The following DAB1 variants were observed in gnomAD, a reference collection of about 807,000 sequenced individuals.
DAB1 encodes the protein DAB adaptor protein 1.
DAB1 carries 15 observed loss-of-function variants against 64.6 expected under a neutral mutation model. That is an observed-to-expected ratio of 0.23 (90% CI 0.16 to 0.36). The LOEUF is 0.36. Ranked by LOEUF, DAB1 falls within the 10% of genes least tolerant of loss-of-function variation. DAB1 has a pLI of 1.00. For missense variants in DAB1, 596 were observed against 706.7 expected, an observed-to-expected ratio of 0.84 and a Z score of 1.78; for synonymous variants, 235 against 251.9, an observed-to-expected ratio of 0.93 and a Z score of 0.64.
intron 1 of DAB1, chr1:58,534,482 T>C (rs899386760): frequency 1.9e-6 from 1 of 521,030 alleles, no homozygotes; most frequent in African/African-American, 2.0e-5. Context: ...ATTTCTCAAA[T>C]CTGAATTATT....
chr1:57,957,133 GA>G lies in DAB1; in HGVS notation n.388-72972del, dbSNP rs1423218015. Among the ~76,000 whole-genome samples the G allele has an allele frequency of 2.0e-5, 3 of 152,324 alleles. No homozygotes were observed. In the East Asian group the frequency reaches 5.8e-4, roughly 29 times the overall value. On this transcript the variant is annotated intron_variant and non_coding_transcript_variant, in intron 5 of 20. Transcript: ENST00000485760. ...CTTACATTTTAATAGGCTTGTTCAG[GA>G]AAATGTGTGAAGAGATTGTACAGGG...
At chr1:58,066,169 G>A (rs1459413265) in intron 5 of DAB1, among the ~76,000 whole-genome samples, 2 of 152,164 alleles carry the variant, frequency 1.3e-5, no homozygotes, top group Non-Finnish European at 1.5e-5. Flanking sequence ...TACACAGGGG[G>A]ACATCTCTTC....
At chr1:57,515,547 T>C (rs1296307865) in intron 7 of DAB1, among the ~76,000 whole-genome samples, 1 of 152,250 alleles carries the variant, frequency 6.6e-6, no homozygotes, top group Non-Finnish European at 1.5e-5. Flanking sequence ...TATTTATTTC[T>C]ATCAGCTGAA....
chr1:58,345,724 C>CA (rs1327214545), intron 3 of DAB1, among the ~76,000 whole-genome samples: 1 of 152,110 alleles, frequency 6.6e-6, no homozygotes, highest in African/African-American at 2.4e-5. Context: ...GAGCTTCCCT[C>CA]GTGCCTAAGA....
At position 58,334,241 on chromosome 1, in the gene DAB1, A is replaced by G. The variant is rs6657227; in HGVS notation, n.309+9111T>C. On this transcript the variant is annotated intron_variant and non_coding_transcript_variant, in intron 4 of 20. Transcript: ENST00000485760. ...TCTCACTCTCACCTCCACCATGACA[A>G]CAGCATGTCCTAAACATTGGTCACT... Among the ~76,000 whole-genome samples, 1,011 of 152,258 alleles carry G rather than the reference A, an allele frequency of 6.6e-3. 17 individuals carry two copies. The highest frequency in any genetic ancestry group is 0.024 in the African/African-American group (984 of 41,536).
At chr1:57,909,971 A>G (rs966956633) in intron 5 of DAB1, among the ~76,000 whole-genome samples, 1 of 152,162 alleles carries the variant, frequency 6.6e-6, no homozygotes, top group African/African-American at 2.4e-5. Context: ...CTTGATCCCA[A>G]CTTATTTTTT....
intron 1 of DAB1, among the ~76,000 whole-genome samples, chr1:57,837,797 C>A (rs1221965417): frequency 1.4e-5 from 2 of 145,290 alleles, no homozygotes; most frequent in Non-Finnish European, 3.0e-5. Flanking sequence ...TCACCACCCC[C>A]ACCTCCACCC....
At chr1:58,309,068 A>C (rs1462908123) in intron 4 of DAB1, among the ~76,000 whole-genome samples, 7 of 152,202 alleles carry the variant, frequency 4.6e-5, no homozygotes, top group Admixed American at 3.9e-4. Context: ...AAGAAGAAGA[A>C]AAAAGCTTAG....
intron 6 of DAB1, among the ~76,000 whole-genome samples, chr1:57,774,850 C>T (rs545798291): frequency 6.6e-6 from 1 of 151,842 alleles, no homozygotes; most frequent in Non-Finnish European, 1.5e-5. Context: ...GTGGTACTAT[C>T]TTCCTCAAAT....
Position 57,196,901 on chromosome 1 carries a change from G to A in DAB1, c.68-51472C>T, listed in dbSNP as rs1022038028. On this transcript the variant is annotated intron_variant, in intron 2 of 14. Coordinates refer to ENST00000371236, the MANE Select transcript of DAB1 (RefSeq NM_001365792.1). Reference sequence around the variant, plus strand: ...AATAACTGAGATTAGTAATAATAGAGGTCAATGTTTCCTGAAGATTTACCA... The same window carrying A: ...AATAACTGAGATTAGTAATAATAGAAGTCAATGTTTCCTGAAGATTTACCA... Among the ~76,000 whole-genome samples, 7 of 152,146 alleles carry A rather than the reference G, an allele frequency of 4.6e-5. No homozygotes were observed. The South Asian group carries it at 6.2e-4, about 14-fold the overall frequency.
intron 5 of DAB1, among the ~76,000 whole-genome samples, chr1:57,931,451 T>C (rs1644951770): frequency 6.6e-6 from 1 of 152,214 alleles, no homozygotes; most frequent in Admixed American, 6.5e-5. Flanking sequence ...TTCCTTAAGT[T>C]GTAGAATTCA....
At chr1:57,010,581 T>A (rs187826949) in intron 14 of DAB1, 99 bp downstream of exon 14, 5 of 569,576 alleles carry the variant, frequency 8.8e-6, no homozygotes, top group Non-Finnish European at 1.5e-5. Context: ...CAAGGAGACA[T>A]GGTGCAAACA....
At chr1:57,309,050 T>G (rs543167435) in intron 1 of DAB1, among the ~76,000 whole-genome samples, 17 of 152,302 alleles carry the variant, frequency 1.1e-4, no homozygotes, top group Admixed American at 9.8e-4. Flanking sequence ...TTATGAAATT[T>G]TTTTGTGACA....
chr1:58,193,264 A>T (rs1657487849), intron 4 of DAB1, among the ~76,000 whole-genome samples: 1 of 152,036 alleles, frequency 6.6e-6, no homozygotes, highest in East Asian at 1.9e-4. Flanking sequence ...TTCTGTTCTC[A>T]CCATGTGATC....
intron 3 of DAB1, among the ~76,000 whole-genome samples, chr1:58,453,146 A>G (rs1418885927): frequency 6.6e-6 from 1 of 152,210 alleles, no homozygotes; most frequent in Non-Finnish European, 1.5e-5. Context: ...GATACCGTGC[A>G]TGATTCCATT....
At chr1:57,043,727 G>T (rs1648097242) in intron 9 of DAB1, among the ~76,000 whole-genome samples, 1 of 151,976 alleles carries the variant, frequency 6.6e-6, no homozygotes, top group Admixed American at 6.6e-5. Flanking sequence ...CATGCCTGTA[G>T]TCCCAGCTAC....
At chr1:58,347,080 G>A (rs1246930596) in intron 3 of DAB1, among the ~76,000 whole-genome samples, 3 of 151,200 alleles carry the variant, frequency 2.0e-5, no homozygotes, top group Non-Finnish European at 4.4e-5. Flanking sequence ...ATGATTATGG[G>A]TTTGTTTTGT....
At chr1:57,630,542 G>A (rs1360017287) in intron 7 of DAB1, among the ~76,000 whole-genome samples, 1 of 152,148 alleles carries the variant, frequency 6.6e-6, no homozygotes, top group Non-Finnish European at 1.5e-5. Context: ...GATAGCAAAA[G>A]TTACTCTGTT....
intron 4 of DAB1, among the ~76,000 whole-genome samples, chr1:57,110,959 A>AAT (rs1655606551): frequency 6.6e-6 from 1 of 151,682 alleles, no homozygotes; most frequent in African/African-American, 2.4e-5. Flanking sequence ...TATAAACAGA[A>AAT]ATATATATAA....
Sources: gnomAD v4.1 joint callset for allele counts (sites outside exome capture counted in the v4.1 genomes callset) on GRCh38, gnomAD v4.1.1 for gene constraint, MANE v1.5 for transcripts, NCBI Gene and HGNC (gene_info 2026-07-23, HGNC 2026-07-21) for gene names.